The following FLT4 variants were observed in gnomAD, a reference collection of about 807,000 sequenced individuals.
FLT4 encodes the protein vascular endothelial growth factor receptor 3.
A neutral mutation model predicts 163.2 loss-of-function variants in FLT4; 30 were observed. The observed-to-expected ratio is 0.18, with a 90% CI of 0.14 to 0.25. The LOEUF (loss-of-function observed/expected upper bound fraction) is 0.25, where lower values mean the gene tolerates loss of function less well. Ranked by LOEUF, FLT4 falls within the 10% of genes least tolerant of loss-of-function variation. FLT4 has a pLI of 1.00. For missense variants in FLT4, 1,510 were observed against 1,863.8 expected, an observed-to-expected ratio of 0.81 and a Z score of 3.50; for synonymous variants, 884 against 789.5, an observed-to-expected ratio of 1.12 and a Z score of -2.01.
Position 180,630,601 on chromosome 5 carries a change from T to A in FLT4, c.354A>T (p.Ala118=), listed in dbSNP as rs1581679053. ...SYVCYYKYIK[A]RIEGTTAASS... ...TGGCGGCCGTGGTGCCCTCGATGCG[T>A]GCCTTGATGTACTTGTAGTAGCAGA... is the stretch of plus-strand genomic sequence containing the variant. The change falls in exon 3 of 30, where the codon GCA becomes GCT. Residue 118 remains alanine (A), a synonymous_variant. Coordinates refer to ENST00000261937, the MANE Select transcript of FLT4 (RefSeq NM_182925.5). This position sits in a 1 kb window ranked among gnomAD's most constrained non-coding sequence, Gnocchi z 6.3. 6.2e-7 allele frequency: 1 copy of A among 1,613,058 alleles called. No individual in the cohort carries two copies. Among genetic ancestry groups the A allele is most frequent in the East Asian group, 2.2e-5 (1 of 44,862 alleles).
chr5:180,621,968 GC>G, intron 12 of FLT4, 64 bp from the exon 13 acceptor site: 3 of 1,589,626 alleles, frequency 1.9e-6, no homozygotes, highest in Admixed American at 3.4e-5. Context: ...TCCACCTGCC[GC>G]CCCGGGGTCT....
At chr5:180,604,216 T>A (rs922331267) in intron 29 of FLT4, among the ~76,000 whole-genome samples, 7 of 152,128 alleles carry the variant, frequency 4.6e-5, no homozygotes, top group African/African-American at 1.7e-4. Flanking sequence ...AATGTCCAAC[T>A]TCATCCCCCA....
intron 23 of FLT4, among the ~76,000 whole-genome samples, 183 bp downstream of exon 23, chr5:180,616,182 GGT>G (rs1400611258): frequency 2.2e-4 from 34 of 152,302 alleles, no homozygotes; most frequent in Non-Finnish European, 4.7e-4. Flanking sequence ...AGATGCCTAA[GGT>G]GGGGGGTGGT....
Position 180,629,092 on chromosome 5 carries a change from G to C in FLT4, c.986-93C>G, listed in dbSNP as rs1232400495. The C allele has an allele frequency of 4.1e-6, 6 of 1,448,232 alleles. No individual in the cohort carries two copies. The East Asian group carries it at 6.8e-5, about 16-fold the overall frequency. The allele number at this position is 1,448,232 out of a possible 1,614,324, so 89.7% of individuals were successfully genotyped here. On this transcript the variant is annotated intron_variant, in intron 7 of 29. Transcript: ENST00000261937. ...CACGGCCCCTGCAGCCCCGGCAGCCGGACATCCGCAGACTGGGGCTGGCCA... is the reference window on the plus strand; with the variant it reads ...CACGGCCCCTGCAGCCCCGGCAGCCCGACATCCGCAGACTGGGGCTGGCCA...
chr5:180,634,053 G>A (rs1764371900), intron 1 of FLT4, among the ~76,000 whole-genome samples: 2 of 152,108 alleles, frequency 1.3e-5, no homozygotes, highest in African/African-American at 4.8e-5. Flanking sequence ...AAGCAAGGTG[G>A]GCTGGGCCTC....
intron 29 of FLT4, among the ~76,000 whole-genome samples, chr5:180,606,483 C>T (rs1284261032): frequency 6.6e-6 from 1 of 152,188 alleles, no homozygotes; most frequent in Non-Finnish European, 1.5e-5. Context: ...CTCAGCCGTG[C>T]GGGTCCTGGC....
chr5:180,629,251 G>C lies in FLT4; in HGVS notation c.985+8C>G. 1 of 1,612,866 alleles carries C rather than the reference G, an allele frequency of 6.2e-7. No homozygotes were observed. Among genetic ancestry groups the C allele is most frequent in the Non-Finnish European group, 8.5e-7 (1 of 1,179,978 alleles). ...AGGGCACAAGGACCCTGGTTTCCCAGGCCATACCATGCACAATGACCTCGG... is the reference window on the plus strand; with the variant it reads ...AGGGCACAAGGACCCTGGTTTCCCACGCCATACCATGCACAATGACCTCGG... On this transcript the variant is annotated splice_region_variant and intron_variant, in intron 7 of 29. Transcript: ENST00000261937.
At chr5:180,649,383 C>T (rs1765638052) in intron 1 of FLT4, 105 bp downstream of exon 1, 4 of 840,286 alleles carry the variant, frequency 4.8e-6, no homozygotes, top group Non-Finnish European at 6.8e-6. Flanking sequence ...CACCGTGTCC[C>T]CCGCCCGTAC....
In FLT4 at chr5:180,629,446, G is replaced by A; in HGVS notation, c.817-19C>T. 7 of 1,609,618 alleles carry A rather than the reference G, an allele frequency of 4.3e-6. No homozygotes were observed. Among genetic ancestry groups the A allele is most frequent in the Non-Finnish European group, 5.9e-6 (7 of 1,179,844 alleles). ...GCTCTGCCTGCCCGCACCCAGGGAA[G>A]CCCCGCGTCAGCAGGCGGGCTCCTG... is the stretch of plus-strand genomic sequence containing the variant. On this transcript the variant is annotated intron_variant, in intron 6 of 29. Transcript: ENST00000261937.
chr5:180,640,199 G>A (rs139156729), intron 1 of FLT4, among the ~76,000 whole-genome samples: 130 of 152,266 alleles, frequency 8.5e-4, no homozygotes, highest in African/African-American at 3.0e-3. Flanking sequence ...CACTAGCAGC[G>A]AGCGAGGTGG....
In FLT4 at chr5:180,621,840, C is replaced by T. The variant is rs2127817665; in HGVS notation, c.1722G>A (p.Val574=). 1 of 1,613,334 alleles carries T rather than the reference C, an allele frequency of 6.2e-7. No homozygotes were observed. Among genetic ancestry groups the T allele is most frequent in the Middle Eastern group, 1.7e-4 (1 of 6,060 alleles). The change falls in exon 13 of 30, where the codon GTG becomes GTA. Residue 574 remains valine, a synonymous_variant. Coordinates refer to ENST00000261937, the MANE Select transcript of FLT4 (RefSeq NM_182925.5). ...AGCTGTCGGCTTGGCAGCTCAGGAGCACCGGCTGGCCCTCTAGTAGCTCCT... is the reference window on the plus strand; with the variant it reads ...AGCTGTCGGCTTGGCAGCTCAGGAGTACCGGCTGGCCCTCTAGTAGCTCCT... ...PSEELLEGQP[V]LLSCQADSYK...
chr5:180,621,464 G>C, intron 13 of FLT4, 78 bp downstream of exon 13: 1 of 1,571,114 alleles, frequency 6.4e-7, no homozygotes, highest in South Asian at 1.2e-5. Flanking sequence ...TCCCAGGGGC[G>C]AGCCACGCCG....
In FLT4 at chr5:180,619,255, T is replaced by G; in HGVS notation, c.2759A>C (p.Gln920Pro). 2 of 1,607,666 alleles carry G rather than the reference T, an allele frequency of 1.2e-6. No individual in the cohort carries two copies. Among genetic ancestry groups the G allele is most frequent in the East Asian group, 4.5e-5 (2 of 44,716 alleles). The change falls in exon 19 of 30, where the codon CAG becomes CCG. Residue 920 changes from glutamine to proline, a missense_variant and splice_region_variant. Gln to Pro is a moderately conservative substitution (Grantham distance 76). Coordinates refer to ENST00000261937, the MANE Select transcript of FLT4 (RefSeq NM_182925.5). ...VNLLGACTKPQGPLMVIVEFC... is the reference protein window; with the variant it reads ...VNLLGACTKPPGPLMVIVEFC... ...CCAGCGGGCCGCCCGCTCCGTACCC[T>G]GCGGCTTGGTGCACGCCCCGAGGAG...
intron 1 of FLT4, among the ~76,000 whole-genome samples, chr5:180,632,067 C>T (rs953641700): frequency 4.6e-5 from 7 of 152,166 alleles, no homozygotes; most frequent in Admixed American, 1.3e-4. Flanking sequence ...CCTCTGACCC[C>T]GGTGAGCTGA....
chr5:180,618,901 C>T lies in FLT4; in HGVS notation c.2870G>A (p.Arg957His). ...SPCAEKSPEQ[R>H]GRFRAMVELA... is the part of the protein sequence containing the mutation. ...CTCCACCATGGCGCGGAAGCGTCCG[C>T]GCTGCTCGGGAGACTTCTCCTGCGG... Residue 957 changes from arginine to histidine, a missense_variant, in exon 21 of 30, where the codon CGC (arginine) becomes CAC (histidine). Arg to His is a conservative substitution (Grantham distance 29). Around this residue, in one of 5 missense-constraint regions of FLT4, gnomAD observed 878 missense variants for 1,016.7 expected, o/e 0.86. Transcript: ENST00000261937. The T allele has an allele frequency of 6.3e-7, 1 of 1,586,514 alleles. No individual in the cohort carries two copies. Among genetic ancestry groups the T allele is most frequent in the Non-Finnish European group, 8.6e-7 (1 of 1,167,262 alleles).
At chr5:180,643,980 C>T (rs764103469) in intron 1 of FLT4, among the ~76,000 whole-genome samples, 11 of 152,282 alleles carry the variant, frequency 7.2e-5, no homozygotes, top group Non-Finnish European at 8.8e-5. Context: ...TGCCACCGCA[C>T]GCAGCTAATT....
chr5:180,613,857 G>A (rs986614723), intron 24 of FLT4: 4 of 634,222 alleles, frequency 6.3e-6, no homozygotes, highest in Middle Eastern at 7.9e-4. Context: ...ACCCCACAGA[G>A]GGTGGCCCAC....
At chr5:180,624,143 C>T (rs1763411178) in intron 10 of FLT4, 82 bp from the exon 11 acceptor site, 1 of 1,532,942 alleles carries the variant, frequency 6.5e-7, no homozygotes, top group Non-Finnish European at 8.9e-7. Context: ...AAGCCCTTGT[C>T]ATATCCAGTC....
chr5:180,610,208 C>T (rs972750223), intron 27 of FLT4, among the ~76,000 whole-genome samples, 183 bp from the exon 28 acceptor site: 2 of 152,230 alleles, frequency 1.3e-5, no homozygotes, highest in South Asian at 2.1e-4. Context: ...CAGATGTCTA[C>T]CCCACAGCCC....
Sources: allele counts gnomAD v4.1 joint callset (sites outside exome capture counted in the v4.1 genomes callset), GRCh38; gene constraint gnomAD v4.1.1; regional missense constraint gnomAD v4.1.1; non-coding constraint Gnocchi (gnomAD v3.1); transcripts MANE v1.5; gene names NCBI Gene and HGNC (gene_info 2026-07-23, HGNC 2026-07-21).